Variants in SUGP1 observed in about 807,000 individuals in gnomAD.
The protein encoded by SUGP1 is SURP and G-patch domain-containing protein 1.
In SUGP1, 34 loss-of-function variants were observed where a neutral mutation model predicts 76.5. The ratio of observed to expected loss-of-function variants is 0.44; its 90% confidence interval spans 0.34 to 0.59. The LOEUF (loss-of-function observed/expected upper bound fraction) is 0.59, where lower values mean the gene tolerates loss of function less well. SUGP1 is among the 20% of genes least tolerant of loss of function. The pLI is 0.01. For synonymous variants in SUGP1, 326 were observed against 326.2 expected (o/e 1.00, Z 0.01); for missense variants, 752 against 851.7 (o/e 0.88, Z 1.46).
chr19:19,304,088 G>A lies in SUGP1; in HGVS notation c.539-241C>T, dbSNP rs748959790. The A allele has an allele frequency of 2.8e-6, 4 of 1,445,572 alleles. No homozygotes were observed. In the East Asian group the frequency reaches 7.3e-5, roughly 26 times the overall value. 89.5% of individuals were successfully genotyped at this position (1,445,572 alleles called of 1,614,324 possible). A position where few individuals can be genotyped will look rare whatever the true frequency, so the allele number is the denominator to read the frequency against. ...GTGAGGCTGTGGTGAGCTCCAGGCTGGAAGCTAGCAGAAAATATATCCAGC... is the reference window on the plus strand; with the variant it reads ...GTGAGGCTGTGGTGAGCTCCAGGCTAGAAGCTAGCAGAAAATATATCCAGC... On this transcript the variant is annotated intron_variant, in intron 4 of 13. Coordinates refer to ENST00000247001, the MANE Select transcript of SUGP1 (RefSeq NM_172231.4).
At chr19:19,293,717 T>C (rs1412602994) in intron 8 of SUGP1, among the ~76,000 whole-genome samples, 1 of 152,122 alleles carries the variant, frequency 6.6e-6, no homozygotes, top group Non-Finnish European at 1.5e-5. Flanking sequence ...CCTCCTAAGA[T>C]CAGCAACAAG....
intron 5 of SUGP1, 42 bp downstream of exon 5, chr19:19,303,682 C>G (rs779339803): frequency 6.2e-7 from 1 of 1,609,304 alleles, no homozygotes; most frequent in Non-Finnish European, 8.5e-7. Context: ...GTGCAGCAAA[C>G]GCATTCAACA....
At chr19:19,320,406 G>A in intron 1 of SUGP1, 57 bp downstream of exon 1, 2 of 1,585,896 alleles carry the variant, frequency 1.3e-6, no homozygotes, top group Non-Finnish European at 1.7e-6. Flanking sequence ...GGAGTCAGGG[G>A]AGACACCTAG....
At chr19:19,305,703 G>C (rs2061311045) in intron 4 of SUGP1, 146 bp downstream of exon 4, 2 of 741,210 alleles carry the variant, frequency 2.7e-6, no homozygotes, top group African/African-American at 3.6e-5. Context: ...CACCTCAGAG[G>C]GCCTGAGGCT....
intron 8 of SUGP1, among the ~76,000 whole-genome samples, chr19:19,284,044 T>C (rs917041567): frequency 7.9e-5 from 12 of 152,258 alleles, no homozygotes; most frequent in African/African-American, 2.9e-4. Flanking sequence ...TTTGTCCCTT[T>C]AGCAAATTGC....
At position 19,316,427 on chromosome 19, in the gene SUGP1, A is replaced by G; in HGVS notation, c.201T>C (p.Pro67=). Residue 67 remains proline (P), a synonymous_variant, in exon 2 of 14, where the codon CCT becomes CCC. Transcript: ENST00000247001. ...AGGCCCCAGCAGGCACTTACTCGCCAGGATGTGGGGGCTGAGGGCTGGCCA... is the reference window on the plus strand; with the variant it reads ...AGGCCCCAGCAGGCACTTACTCGCCGGGATGTGGGGGCTGAGGGCTGGCCA... ...NQVASPQPPH[P]GEITNAHNSS... The G allele has an allele frequency of 6.2e-7, 1 of 1,613,984 alleles. No homozygotes were observed. Among genetic ancestry groups the G allele is most frequent in the South Asian group, 1.1e-5 (1 of 91,078 alleles).
intron 8 of SUGP1, among the ~76,000 whole-genome samples, chr19:19,290,508 G>T (rs1712200623): frequency 6.6e-6 from 1 of 151,956 alleles, no homozygotes; most frequent in Admixed American, 6.6e-5. Flanking sequence ...GCCGGGCATG[G>T]TGGTGGGCAC....
intron 2 of SUGP1, among the ~76,000 whole-genome samples, chr19:19,312,188 C>G (rs1720413623): frequency 6.6e-6 from 1 of 152,072 alleles, no homozygotes; most frequent in Non-Finnish European, 1.5e-5. Context: ...AATCATGCCA[C>G]TGCACTCTAG....
intron 2 of SUGP1, among the ~76,000 whole-genome samples, chr19:19,311,418 C>G (rs1235740444): frequency 6.6e-6 from 1 of 151,592 alleles, no homozygotes; most frequent in Admixed American, 6.6e-5. Context: ...ATTGCTTTGG[C>G]TGTTTTCTTA....
intron 8 of SUGP1, among the ~76,000 whole-genome samples, chr19:19,286,748 A>T (rs114852755): frequency 0.01 from 1,567 of 152,188 alleles, 34 homozygotes; most frequent in African/African-American, 0.035. Flanking sequence ...ATAAAAATTT[A>T]AAAAAATAGG....
intron 10 of SUGP1, 55 bp from the exon 11 acceptor site, chr19:19,278,851 G>A (rs2061074493): frequency 1.9e-6 from 3 of 1,539,074 alleles, no homozygotes; most frequent in Non-Finnish European, 2.7e-6. Context: ...GAGGGGAGCA[G>A]GCCTGGTGGC....
Position 19,320,470 on chromosome 19 carries a change from A to T in SUGP1, c.27T>A (p.Asp9Glu). The T allele has an allele frequency of 1.2e-6, 2 of 1,610,028 alleles. No individual in the cohort carries two copies. The highest frequency in any genetic ancestry group is 1.7e-6 in the Non-Finnish European group (2 of 1,178,510). Residue 9 changes from aspartate to glutamate, a missense_variant, in exon 1 of 14, where the codon GAT (aspartate) becomes GAA (glutamate). Physicochemically the swap from Asp to Glu is conservative, Grantham distance 45. Transcript: ENST00000247001. MSLKMDNR[D>E]VAGKANRWFG... ...GGAGGCGGGGGCTGTTACCTGCAACATCCCGGTTGTCCATCTTGAGACTCA... is the reference window on the plus strand; with the variant it reads ...GGAGGCGGGGGCTGTTACCTGCAACTTCCCGGTTGTCCATCTTGAGACTCA...
intron 1 of SUGP1, among the ~76,000 whole-genome samples, chr19:19,318,090 C>T (rs1244201993): frequency 6.7e-6 from 1 of 148,532 alleles, no homozygotes; most frequent in Non-Finnish European, 1.5e-5. Flanking sequence ...GAATTACAGG[C>T]GTGAGCCACC....
intron 1 of SUGP1, among the ~76,000 whole-genome samples, chr19:19,318,420 G>GT (rs973581861): frequency 6.0e-5 from 9 of 151,128 alleles, no homozygotes; most frequent in East Asian, 2.0e-4. Context: ...ACACCCAGCC[G>GT]TTTTTTTTGT....
chr19:19,289,718 A>G (rs2061167241), intron 8 of SUGP1, among the ~76,000 whole-genome samples: 1 of 152,182 alleles, frequency 6.6e-6, no homozygotes, highest in South Asian at 2.1e-4. Flanking sequence ...ACAGCACTCC[A>G]GCCTGGGCGA....
rs2061311335 is a variant in SUGP1 at position 19,305,741 on chromosome 19, C to G, written c.538+108G>C. 1.0e-5 allele frequency: 12 copies of G among 1,155,490 alleles called. No individual in the cohort carries two copies. In the South Asian group the frequency reaches 1.4e-4, roughly 13 times the overall value. The allele number at this position is 1,155,490 out of a possible 1,614,324, so 71.6% of individuals were successfully genotyped here. On this transcript the variant is annotated intron_variant, in intron 4 of 13. Transcript: ENST00000247001. ...GCTCAGAGGTCTGGTGGCTGCAACT[C>G]AGCCGAAAGCACCCATGCCCCTGGC...
chr19:19,306,207 G>T, intron 3 of SUGP1, 131 bp from the exon 4 acceptor site: 1 of 833,194 alleles, frequency 1.2e-6, no homozygotes, highest in South Asian at 2.0e-5. Context: ...GCTCAGAGGA[G>T]GCCACCCTGA....
intron 1 of SUGP1, among the ~76,000 whole-genome samples, chr19:19,319,360 C>G (rs1187729176): frequency 6.6e-6 from 1 of 152,136 alleles, no homozygotes; most frequent in African/African-American, 2.4e-5. Flanking sequence ...TGGCCCCCCT[C>G]TGTGTGGAAG....
At chr19:19,278,952 G>A (rs2061075225) in intron 10 of SUGP1, among the ~76,000 whole-genome samples, 156 bp from the exon 11 acceptor site, 1 of 152,098 alleles carries the variant, frequency 6.6e-6, no homozygotes, top group African/African-American at 2.4e-5. Flanking sequence ...GCCTCTGCCT[G>A]GTGAGGCAGC....
Sources: gnomAD v4.1 joint callset for allele counts (sites outside exome capture counted in the v4.1 genomes callset) on GRCh38, gnomAD v4.1.1 for gene constraint, MANE v1.5 for transcripts, NCBI Gene and HGNC (gene_info 2026-07-23, HGNC 2026-07-21) for gene names.